The following ADAM22 variants were observed in gnomAD, a reference collection of about 807,000 sequenced individuals.
ADAM22 encodes the protein ADAM metallopeptidase domain 22.
In ADAM22, 65 loss-of-function variants were observed where a neutral mutation model predicts 144.6. That is an observed-to-expected ratio of 0.45 (90% confidence interval 0.37 to 0.55). The LOEUF (loss-of-function observed/expected upper bound fraction) is 0.55, where lower values mean the gene tolerates loss of function less well. Ranked by LOEUF, ADAM22 falls within the 20% of genes least tolerant of loss-of-function variation. ADAM22 has a pLI of 0.00. For synonymous variants in ADAM22, 391 were observed against 412.6 expected (o/e 0.95, Z 0.63); for missense variants, 974 against 1,184.9 (o/e 0.82, Z 2.61).
intron 3 of ADAM22, among the ~76,000 whole-genome samples, chr7:88,035,278 T>G (rs1563073032): frequency 6.6e-6 from 1 of 152,246 alleles, no homozygotes; most frequent in Admixed American, 6.5e-5. Context: ...CTTATTAATA[T>G]ATACAAATCC....
intron 3 of ADAM22, among the ~76,000 whole-genome samples, chr7:87,988,150 T>C (rs1562928573): frequency 6.6e-6 from 1 of 152,166 alleles, no homozygotes; most frequent in Non-Finnish European, 1.5e-5. Flanking sequence ...TCTTGGAAAC[T>C]GGTAGAGTAT....
chr7:87,970,821 TA>T (rs1450656607), intron 2 of ADAM22, among the ~76,000 whole-genome samples: 1 of 152,240 alleles, frequency 6.6e-6, no homozygotes, highest in Non-Finnish European at 1.5e-5. Flanking sequence ...CTTATGGTCC[TA>T]AAATTCTGTG....
At chr7:88,167,993 T>C (rs1186660159) in intron 24 of ADAM22, 144 bp from the exon 25 acceptor site, 12 of 671,364 alleles carry the variant, frequency 1.8e-5, no homozygotes, top group South Asian at 6.0e-5. Context: ...TGCTGAATTA[T>C]GGTTGATTTT....
chr7:88,058,836 A>G (rs1032935372), intron 3 of ADAM22, among the ~76,000 whole-genome samples: 1 of 152,196 alleles, frequency 6.6e-6, no homozygotes, highest in Non-Finnish European at 1.5e-5. Context: ...AATATAGAAC[A>G]TATACTGTGT....
intron 2 of ADAM22, among the ~76,000 whole-genome samples, chr7:87,973,403 AG>A (rs61364521): frequency 0.57 from 85,558 of 151,094 alleles, 24,788 homozygotes; most frequent in African/African-American, 0.68. Flanking sequence ...ATCTCACACC[AG>A]TTAGAATGGC....
intron 2 of ADAM22, among the ~76,000 whole-genome samples, chr7:87,939,656 G>A (rs1465792087): frequency 6.6e-6 from 1 of 152,156 alleles, no homozygotes; most frequent in African/African-American, 2.4e-5. Flanking sequence ...CATAGAGTAA[G>A]CACTATATGA....
rs760053360 is a variant in ADAM22, at chr7:87,934,561, C to G, written c.85+11C>G. On this transcript the variant is annotated intron_variant, in intron 1 of 31. Transcript: ENST00000413139. ...GCTGCGGCCAGGCAGGTAAGTTAGC[C>G]GTCCTCTGTGCCTTTGGGCCATACC... 23 of 1,603,636 alleles carry G rather than the reference C, an allele frequency of 1.4e-5. No homozygotes were observed. The highest frequency in any genetic ancestry group is 2.0e-5 in the Non-Finnish European group (23 of 1,178,226).
intron 2 of ADAM22, among the ~76,000 whole-genome samples, chr7:87,958,785 T>C (rs1483291464): frequency 6.6e-6 from 1 of 152,244 alleles, no homozygotes; most frequent in African/African-American, 2.4e-5. Context: ...TTTGGTGATC[T>C]GTATTTCCTC....
intron 4 of ADAM22, among the ~76,000 whole-genome samples, chr7:88,104,241 T>C (rs1360954872): frequency 1.3e-5 from 2 of 152,228 alleles, no homozygotes; most frequent in Non-Finnish European, 2.9e-5. Context: ...AAAAAGAAAG[T>C]CAAGTGGCTG....
intron 4 of ADAM22, among the ~76,000 whole-genome samples, chr7:88,085,803 A>G (rs1818292651): frequency 6.6e-6 from 1 of 152,196 alleles, no homozygotes; most frequent in Non-Finnish European, 1.5e-5. Context: ...CTTTTATCAT[A>G]ACCCCTTCCT....
intron 4 of ADAM22, among the ~76,000 whole-genome samples, chr7:88,093,243 A>G (rs1563200565): frequency 6.6e-6 from 1 of 151,900 alleles, no homozygotes; most frequent in East Asian, 1.9e-4. Context: ...TTGAACAGAA[A>G]GTAGTAGAAA....
At position 87,934,449 on chromosome 7, in the gene ADAM22, G is replaced by C. The variant is rs1840668506; in HGVS notation, c.-17G>C. 1 of 1,580,250 alleles carries C rather than the reference G, an allele frequency of 6.3e-7. No individual in the cohort carries two copies. Among genetic ancestry groups the C allele is most frequent in the Admixed American group, 1.8e-5 (1 of 56,618 alleles). ...AGGAGCTGAGCGTCTCGGGCGAGGC[G>C]GGCTGACGGCAGCACCATGCAGGCG... On this transcript the variant is annotated 5_prime_UTR_variant, in exon 1 of 32. Transcript: ENST00000413139.
intron 4 of ADAM22, among the ~76,000 whole-genome samples, chr7:88,082,702 G>A (rs201165328): frequency 1.3e-5 from 2 of 152,140 alleles, no homozygotes; most frequent in South Asian, 4.1e-4. Flanking sequence ...CTTCTCAAAA[G>A]AAGACATTTA....
chr7:88,196,419 C>T, intron 31 of ADAM22, 52 bp from the exon 32 acceptor site: 8 of 1,603,988 alleles, frequency 5.0e-6, no homozygotes, highest in Non-Finnish European at 6.8e-6. Context: ...ATTCAGAATA[C>T]ATCTGCTTCC....
chr7:88,149,171 C>A, intron 18 of ADAM22, 114 bp downstream of exon 18: 1 of 695,808 alleles, frequency 1.4e-6, no homozygotes, highest in South Asian at 1.8e-5. Context: ...TCTTTCACAT[C>A]ATTTCTCCAT....
At chr7:88,166,873 T>G (rs1367269201) in intron 24 of ADAM22, among the ~76,000 whole-genome samples, 1 of 152,062 alleles carries the variant, frequency 6.6e-6, no homozygotes. Flanking sequence ...GACTAACATC[T>G]AAGTTTATTG....
intron 22 of ADAM22, among the ~76,000 whole-genome samples, chr7:88,161,942 A>G (rs1841767003): frequency 6.6e-6 from 1 of 152,026 alleles, no homozygotes; most frequent in African/African-American, 2.4e-5. Context: ...CGACCCAGCA[A>G]TCCTATTACT....
At chr7:88,092,011 T>C (rs1819999708) in intron 4 of ADAM22, among the ~76,000 whole-genome samples, 1 of 152,092 alleles carries the variant, frequency 6.6e-6, no homozygotes, top group African/African-American at 2.4e-5. Context: ...TCCTTCTTTG[T>C]TCTTCATAGA....
At chr7:88,079,604 C>T (rs2129482569) in intron 4 of ADAM22, among the ~76,000 whole-genome samples, 1 of 152,270 alleles carries the variant, frequency 6.6e-6, no homozygotes, top group Non-Finnish European at 1.5e-5. Context: ...GGAAACCCAT[C>T]TCATGTGCAG....
Sources: gnomAD v4.1 joint callset for allele counts (sites outside exome capture counted in the v4.1 genomes callset) on GRCh38, gnomAD v4.1.1 for gene constraint, MANE v1.5 for transcripts, NCBI Gene and HGNC (gene_info 2026-07-23, HGNC 2026-07-21) for gene names.